ASIC2: variants seen among roughly 807,000 people sequenced by gnomAD.
The protein encoded by ASIC2 is acid sensing ion channel subunit 2.
In ASIC2, 25 loss-of-function variants were observed where a neutral mutation model predicts 57.3. The observed-to-expected ratio is 0.44, with a 90% CI of 0.32 to 0.61. The LOEUF is 0.61. ASIC2 is among the 20% of genes least tolerant of loss of function. The pLI is 0.06. For missense variants in ASIC2, 641 were observed against 738.1 expected (o/e 0.87, Z 1.52); for synonymous variants, 319 against 307.5 (o/e 1.04, Z -0.39).
Position 34,083,680 on chromosome 17 carries a change from C to T in ASIC2, c.555+72298G>A, listed in dbSNP as rs1333622980. On this transcript the variant is annotated intron_variant, in intron 1 of 9. Transcript: ENST00000359872. Reference sequence around the variant, plus strand: ...CTATTTCTCCACATCCTCTCCAGCACCTGTTGTTTCCTGACTTTTTAATGA... The same window carrying T: ...CTATTTCTCCACATCCTCTCCAGCATCTGTTGTTTCCTGACTTTTTAATGA... 7.9e-5 allele frequency among the ~76,000 whole-genome samples: 12 copies of T among 152,234 alleles called. No homozygotes were observed. In the South Asian group the frequency reaches 2.5e-3, roughly 32 times the overall value.
chr17:33,660,738 G>A (rs548526958), intron 1 of ASIC2, among the ~76,000 whole-genome samples: 1 of 152,340 alleles, frequency 6.6e-6, no homozygotes, highest in African/African-American at 2.4e-5. Flanking sequence ...ATCAGTAGGT[G>A]ACAAGGATTT....
At chr17:33,427,180 G>A (rs983496198) in intron 1 of ASIC2, among the ~76,000 whole-genome samples, 6 of 152,104 alleles carry the variant, frequency 3.9e-5, no homozygotes, top group Non-Finnish European at 5.9e-5. Context: ...GGAGACCATC[G>A]CTCAATTTTA....
At chr17:33,412,764 A>G (rs1182622510) in intron 1 of ASIC2, among the ~76,000 whole-genome samples, 1 of 152,124 alleles carries the variant, frequency 6.6e-6, no homozygotes, top group Non-Finnish European at 1.5e-5. Context: ...AGTGGGAGAG[A>G]CGTTGGTGCC....
chr17:33,865,954 A>C (rs1914228128), intron 1 of ASIC2, among the ~76,000 whole-genome samples: 1 of 151,890 alleles, frequency 6.6e-6, no homozygotes, highest in Non-Finnish European at 1.5e-5. Context: ...TATTCTCTTG[A>C]TGTCAAATAA....
chr17:34,024,424 G>C (rs538851744), intron 1 of ASIC2, among the ~76,000 whole-genome samples: 1 of 152,288 alleles, frequency 6.6e-6, no homozygotes, highest in Non-Finnish European at 1.5e-5. Context: ...CTTCCTTTTA[G>C]GCAAACCATG....
chr17:34,038,799 C>T, intron 1 of ASIC2: 2 of 1,611,936 alleles, frequency 1.2e-6, no homozygotes, highest in Non-Finnish European at 1.7e-6. Context: ...TGTTTCTGCT[C>T]ATTGGTTGCA....
At chr17:34,008,735 CTT>C (rs1182519746) in intron 1 of ASIC2, among the ~76,000 whole-genome samples, 2 of 152,354 alleles carry the variant, frequency 1.3e-5, no homozygotes, top group African/African-American at 4.8e-5. Flanking sequence ...TTCCTCCACT[CTT>C]TGAGAGTTCC....
intron 1 of ASIC2, among the ~76,000 whole-genome samples, chr17:33,339,272 A>G (rs1313337624): frequency 6.6e-6 from 1 of 152,178 alleles, no homozygotes; most frequent in Non-Finnish European, 1.5e-5. Context: ...CTCATGCTCA[A>G]TAGACTGAAG....
intron 1 of ASIC2, among the ~76,000 whole-genome samples, chr17:33,568,000 T>G (rs1916298324): frequency 6.6e-6 from 1 of 152,200 alleles, no homozygotes; most frequent in Non-Finnish European, 1.5e-5. Flanking sequence ...TATCCTTCTT[T>G]TCATTACCTT....
chr17:33,801,450 G>C (rs1912130543), intron 1 of ASIC2, among the ~76,000 whole-genome samples: 1 of 152,038 alleles, frequency 6.6e-6, no homozygotes, highest in African/African-American at 2.4e-5. Context: ...TCCCTGTTTT[G>C]ACACTTTTTA....
rs1353893747 is a variant in ASIC2 at position 33,121,137 on chromosome 17, G to C, written c.709-9070C>G. ...TATTCCTGCTTATGGCTTGGATCGT[G>C]CATAAGCCCTGCAGGAGCTAGGGAG... On this transcript the variant is annotated intron_variant, in intron 1 of 9. Coordinates refer to ENST00000225823, the MANE Select transcript of ASIC2 (RefSeq NM_183377.2). 3.3e-5 allele frequency among the ~76,000 whole-genome samples: 5 copies of C among 152,346 alleles called. No individual in the cohort carries two copies. In the East Asian group the frequency reaches 9.6e-4, roughly 29 times the overall value.
At chr17:33,228,616 C>A (rs891754022) in intron 1 of ASIC2, among the ~76,000 whole-genome samples, 1 of 152,258 alleles carries the variant, frequency 6.6e-6, no homozygotes, top group Admixed American at 6.5e-5. Context: ...CTGAAAACTT[C>A]TAGCATGTGA....
At chr17:33,102,972 A>T (rs1299540207) in intron 2 of ASIC2, among the ~76,000 whole-genome samples, 1 of 152,072 alleles carries the variant, frequency 6.6e-6, no homozygotes, top group African/African-American at 2.4e-5. Flanking sequence ...TTCAGTAGAG[A>T]CAGGGTTTCA....
At chr17:33,079,238 A>T (rs1319208483) in intron 3 of ASIC2, among the ~76,000 whole-genome samples, 1 of 152,240 alleles carries the variant, frequency 6.6e-6, no homozygotes, top group African/African-American at 2.4e-5. Context: ...GGGGAGATAG[A>T]TAAGTAAACA....
At chr17:33,946,049 T>C (rs1214677986) in intron 1 of ASIC2, among the ~76,000 whole-genome samples, 1 of 152,166 alleles carries the variant, frequency 6.6e-6, no homozygotes, top group African/African-American at 2.4e-5. Context: ...GGCAGGTGGA[T>C]CATTAACTGT....
At chr17:33,991,030 T>C (rs1905985836) in intron 1 of ASIC2, among the ~76,000 whole-genome samples, 4 of 152,188 alleles carry the variant, frequency 2.6e-5, no homozygotes, top group African/African-American at 7.2e-5. Context: ...ATTCTCTAGC[T>C]TCTAACTCAA....
chr17:33,603,770 C>T (rs1305842960), intron 1 of ASIC2, among the ~76,000 whole-genome samples: 1 of 152,170 alleles, frequency 6.6e-6, no homozygotes, highest in Non-Finnish European at 1.5e-5. Context: ...AGTTATTTAA[C>T]CCAATAGAAG....
chr17:34,151,120 AAAAAATAAAGAGGTAGAGT>A (rs1904508446), intron 1 of ASIC2, among the ~76,000 whole-genome samples: 1 of 149,060 alleles, frequency 6.7e-6, no homozygotes, highest in South Asian at 2.1e-4. Flanking sequence ...AAAAAAAAAA[AAAAAATAAAGAGGTAGAGT>A]AGGAAAGGTC....
chr17:33,960,013 A>G (rs929062014), intron 1 of ASIC2, among the ~76,000 whole-genome samples: 6 of 152,188 alleles, frequency 3.9e-5, no homozygotes, highest in African/African-American at 1.4e-4. Context: ...CACACTGCCT[A>G]GGTCCAGTGA....
Sources: allele counts gnomAD v4.1 joint callset (sites outside exome capture counted in the v4.1 genomes callset), GRCh38; gene constraint gnomAD v4.1.1; transcripts MANE v1.5; gene names NCBI Gene and HGNC (gene_info 2026-07-23, HGNC 2026-07-21).